Variants in NPEPPS observed in about 807,000 individuals in gnomAD.
NPEPPS encodes puromycin-sensitive aminopeptidase.
Under a neutral mutation model 115.5 loss-of-function variants are expected in NPEPPS, and 14 were observed. The observed-to-expected ratio is 0.12, with a 90% CI of 0.08 to 0.19. The LOEUF (loss-of-function observed/expected upper bound fraction) is 0.19. Ranked by LOEUF, NPEPPS falls within the 10% of genes least tolerant of loss-of-function variation. The probability of loss-of-function intolerance (pLI) is 1.00; values close to 1 mark genes in which losing one functional copy is unlikely to be tolerated. For synonymous variants in NPEPPS, 285 were observed against 390.6 expected (o/e 0.73, Z 3.19); for missense variants, 523 against 1,110.8 (o/e 0.47, Z 7.52).
At chr17:47,573,231 CT>C (rs1222333602) in intron 3 of NPEPPS, among the ~76,000 whole-genome samples, 1 of 152,160 alleles carries the variant, frequency 6.6e-6, no homozygotes, top group Non-Finnish European at 1.5e-5. Flanking sequence ...TAAAGTAAAA[CT>C]CCCAGAAAGT....
At chr17:47,602,279 G>C (rs1485477055) in intron 15 of NPEPPS, among the ~76,000 whole-genome samples, 1 of 151,916 alleles carries the variant, frequency 6.6e-6, no homozygotes, top group Admixed American at 6.6e-5. Context: ...ACTCTTAATT[G>C]TATGTTCCTA....
chr17:47,565,644 AC>A (rs1372453692), intron 2 of NPEPPS, among the ~76,000 whole-genome samples: 1 of 151,114 alleles, frequency 6.6e-6, no homozygotes, highest in East Asian at 1.9e-4. Context: ...ACATGGTGAA[AC>A]CCCATGTCTA....
chr17:47,564,052 C>G (rs539909719), intron 2 of NPEPPS, among the ~76,000 whole-genome samples: 1 of 152,128 alleles, frequency 6.6e-6, no homozygotes, highest in South Asian at 2.1e-4. Context: ...CCTGCCTCAG[C>G]CTCCCAAGTA....
chr17:47,566,923 A>G (rs927903875), intron 2 of NPEPPS, among the ~76,000 whole-genome samples: 1 of 152,002 alleles, frequency 6.6e-6, no homozygotes, highest in Non-Finnish European at 1.5e-5. Context: ...TAAAAATACA[A>G]AAGATTAGAT....
At chr17:47,587,637 G>T (rs573508709) in intron 9 of NPEPPS, among the ~76,000 whole-genome samples, 121 of 152,218 alleles carry the variant, frequency 7.9e-4, no homozygotes, top group African/African-American at 2.9e-3. Flanking sequence ...TTCCTCTTAG[G>T]TGTAGATGAA....
chr17:47,619,440 G>A, intron 21 of NPEPPS: 2 of 509,100 alleles, frequency 3.9e-6, no homozygotes, highest in Non-Finnish European at 7.1e-6. Flanking sequence ...TGTAATCCCA[G>A]CTACTTGGGA....
At chr17:47,548,158 A>G (rs531309324) in intron 2 of NPEPPS, 1 of 152,274 alleles carries the variant, frequency 6.6e-6, no homozygotes, top group Non-Finnish European at 1.5e-5. Flanking sequence ...CATAACATTT[A>G]TGATTTTTTC....
At chr17:47,571,780 A>G (rs988031825) in intron 3 of NPEPPS, among the ~76,000 whole-genome samples, 22 of 152,212 alleles carry the variant, frequency 1.4e-4, no homozygotes, top group African/African-American at 5.3e-4. Flanking sequence ...AAGCTATTGA[A>G]GAATATAATT....
upstream of NPEPPS, among the ~76,000 whole-genome samples, chr17:47,527,818 G>A (rs1263490421): frequency 3.3e-5 from 5 of 151,706 alleles, no homozygotes; most frequent in African/African-American, 9.7e-5. Flanking sequence ...GCATGGTGGC[G>A]GGCACCTATA....
At chr17:47,572,915 A>G (rs571463242) in intron 3 of NPEPPS, among the ~76,000 whole-genome samples, 4 of 152,244 alleles carry the variant, frequency 2.6e-5, no homozygotes, top group African/African-American at 9.6e-5. Flanking sequence ...AGCTGAGATT[A>G]CAGGCACATA....
chr17:47,577,340 C>T (rs2143826720), intron 3 of NPEPPS, among the ~76,000 whole-genome samples: 1 of 152,154 alleles, frequency 6.6e-6, no homozygotes, highest in Non-Finnish European at 1.5e-5. Flanking sequence ...AAAATTCCAT[C>T]ATATAGTTTC....
At chr17:47,608,550 G>T (rs1313430321) in intron 17 of NPEPPS, among the ~76,000 whole-genome samples, 1 of 151,866 alleles carries the variant, frequency 6.6e-6, no homozygotes. Flanking sequence ...AGACAGGAGA[G>T]TTGGTTGAGT....
At chr17:47,621,158 G>A (rs1196083052) in intron 22 of NPEPPS, among the ~76,000 whole-genome samples, 3 of 146,154 alleles carry the variant, frequency 2.1e-5, no homozygotes, top group African/African-American at 7.7e-5. Flanking sequence ...TCTAGCCTGG[G>A]CAACAGAGTG....
intron 17 of NPEPPS, among the ~76,000 whole-genome samples, chr17:47,610,488 A>G (rs1913784206): frequency 6.6e-6 from 1 of 151,564 alleles, no homozygotes; most frequent in Non-Finnish European, 1.5e-5. Flanking sequence ...GGTTCAAGCA[A>G]TTCTCCTGCC....
chr17:47,584,794 T>C (rs1912084522), intron 5 of NPEPPS, among the ~76,000 whole-genome samples: 1 of 152,164 alleles, frequency 6.6e-6, no homozygotes, highest in Non-Finnish European at 1.5e-5. Context: ...TCTAGAAGTT[T>C]GTATCCTTTG....
At chr17:47,565,022 T>C (rs1164890410) in intron 2 of NPEPPS, among the ~76,000 whole-genome samples, 1 of 152,206 alleles carries the variant, frequency 6.6e-6, no homozygotes, top group South Asian at 2.1e-4. Flanking sequence ...AGATACTTAC[T>C]GAACACACAC....
At chr17:47,578,880 C>T (rs1301559628) in intron 3 of NPEPPS, among the ~76,000 whole-genome samples, 4 of 152,124 alleles carry the variant, frequency 2.6e-5, no homozygotes, top group Admixed American at 2.6e-4. Context: ...GACCAATTCA[C>T]ATGTATAATT....
At chr17:47,576,196 A>G (rs1281877632) in intron 3 of NPEPPS, among the ~76,000 whole-genome samples, 1 of 152,174 alleles carries the variant, frequency 6.6e-6, no homozygotes, top group Non-Finnish European at 1.5e-5. Context: ...TGTAAGGTCT[A>G]ACAACCCTAG....
intron 17 of NPEPPS, 28 bp from the exon 18 acceptor site, chr17:47,612,432 C>T (rs1281766106): frequency 6.2e-7 from 1 of 1,611,298 alleles, no homozygotes; most frequent in Non-Finnish European, 8.5e-7. Context: ...TTTAAGTAGT[C>T]TTATGTCTCT....
Sources: gnomAD v4.1 joint callset for allele counts (sites outside exome capture counted in the v4.1 genomes callset) on GRCh38, gnomAD v4.1.1 for gene constraint, MANE v1.5 for transcripts, NCBI Gene and HGNC (gene_info 2026-07-23, HGNC 2026-07-21) for gene names.